PALLD: variants seen among roughly 807,000 people sequenced by gnomAD.
PALLD encodes palladin, cytoskeletal associated protein.
PALLD carries 61 observed loss-of-function variants against 123.5 expected under a neutral mutation model. The ratio of observed to expected loss-of-function variants is 0.49; its 90% CI spans 0.40 to 0.61. The LOEUF (loss-of-function observed/expected upper bound fraction) is 0.61, where lower values mean the gene tolerates loss of function less well. Among genes scored for constraint, PALLD ranks in the 20% least tolerant of loss-of-function variants. The probability of loss-of-function intolerance (pLI) is 0.00; values close to 1 mark genes in which losing one functional copy is unlikely to be tolerated. For synonymous variants in PALLD, 465 were observed against 496.4 expected, an observed-to-expected ratio of 0.94 and a Z score of 0.84; for missense variants, 1,273 against 1,377.0, an observed-to-expected ratio of 0.92 and a Z score of 1.20.
intron 10 of PALLD, among the ~76,000 whole-genome samples, chr4:168,721,759 A>G (rs968131781): frequency 6.6e-6 from 1 of 152,140 alleles, no homozygotes; most frequent in Admixed American, 6.5e-5. Context: ...AAGTAAGCTT[A>G]ATTTTGAGCA....
chr4:168,596,722 A>T (rs1186994675), intron 2 of PALLD, among the ~76,000 whole-genome samples: 1 of 61,674 alleles, frequency 1.6e-5, no homozygotes, highest in Non-Finnish European at 3.1e-5. Flanking sequence ...TGGCCTTGTT[A>T]AAAAAAAAAA....
At chr4:168,924,476 A>C in intron 19 of PALLD, 56 bp downstream of exon 19, 2 of 1,429,906 alleles carry the variant, frequency 1.4e-6, no homozygotes, top group East Asian at 4.6e-5. Flanking sequence ...ATGATGTATC[A>C]AAAGATACAT....
At chr4:168,836,654 G>A (rs773853377) in intron 10 of PALLD, among the ~76,000 whole-genome samples, 23 of 152,206 alleles carry the variant, frequency 1.5e-4, no homozygotes, top group Admixed American at 2.0e-4. Flanking sequence ...CTGCTGGAGC[G>A]CCACGCAGGA....
chr4:168,898,720 C>G lies in PALLD; in HGVS notation c.2472+6C>G. 1 of 1,592,076 alleles carries G rather than the reference C, an allele frequency of 6.3e-7. No individual in the cohort carries two copies. The highest frequency in any genetic ancestry group is 8.6e-7 in the Non-Finnish European group (1 of 1,159,854). The stretch of plus-strand genomic sequence containing the variant: ...CTGGAAATCCAAAGCCAAAGGTGAG[C>G]TGGGAGATGGAGGCTTTTTAAGAGT... On this transcript the variant is annotated splice_donor_region_variant and intron_variant, in intron 14 of 21. Transcript: ENST00000505667.
intron 2 of PALLD, among the ~76,000 whole-genome samples, chr4:168,630,303 G>A (rs1485375241): frequency 6.6e-6 from 1 of 151,884 alleles, no homozygotes; most frequent in Non-Finnish European, 1.5e-5. Flanking sequence ...AAGTGTAGAG[G>A]AAAAAAATAA....
chr4:168,668,395 G>T (rs371335483), intron 3 of PALLD, 27 bp downstream of exon 3: 189 of 1,565,454 alleles, frequency 1.2e-4, no homozygotes, highest in South Asian at 3.7e-4. Flanking sequence ...GGTAATGGGG[G>T]ATAAAGGGGT....
At chr4:168,878,222 C>T in intron 10 of PALLD, 1 of 1,520,016 alleles carries the variant, frequency 6.6e-7, no homozygotes, top group South Asian at 1.2e-5. Flanking sequence ...GTTCCCACTG[C>T]CGCCGCCACC....
intron 5 of PALLD, 72 bp from the exon 6 acceptor site, chr4:168,685,413 A>C (rs985615720): frequency 3.2e-6 from 3 of 935,142 alleles, no homozygotes; most frequent in African/African-American, 3.2e-5. Flanking sequence ...CCCATAATGA[A>C]AGGTTTCTTC....
chr4:168,658,064 G>C (rs573617635), intron 2 of PALLD, among the ~76,000 whole-genome samples: 3 of 152,198 alleles, frequency 2.0e-5, no homozygotes, highest in African/African-American at 2.4e-5. Context: ...TCTTTTTGGT[G>C]CAAAACAACG....
chr4:168,913,928 G>A lies in PALLD; in HGVS notation c.2624G>A (p.Gly875Asp). Reference protein sequence around the residue: ...NYTIMAANPQGRISCTGRLMV... With the variant: ...NYTIMAANPQDRISCTGRLMV... ...ATTTATTTCCTGATATTTCTACAGG[G>A]CCGCATCAGTTGTACTGGACGGCTA... The change falls in exon 16 of 22, where the codon GGC (glycine) becomes GAC (aspartate). Residue 875 changes from glycine to aspartate, a missense_variant and splice_region_variant. Transcript: ENST00000505667. The A allele has an allele frequency of 1.2e-6, 2 of 1,601,914 alleles. No individual in the cohort carries two copies. Among genetic ancestry groups the A allele is most frequent in the Non-Finnish European group, 1.7e-6 (2 of 1,168,858 alleles).
At chr4:168,798,246 T>G (rs2150662465) in intron 10 of PALLD, among the ~76,000 whole-genome samples, 1 of 152,246 alleles carries the variant, frequency 6.6e-6, no homozygotes, top group South Asian at 2.1e-4. Context: ...ATATCAAAGG[T>G]AAGGATACTG....
At chr4:168,920,052 T>A (rs1761123562) in intron 17 of PALLD, among the ~76,000 whole-genome samples, 1 of 152,134 alleles carries the variant, frequency 6.6e-6, no homozygotes, top group African/African-American at 2.4e-5. Flanking sequence ...GGATCTAACC[T>A]GGTAAAGTAG....
At chr4:168,650,857 A>G (rs1301213124) in intron 2 of PALLD, among the ~76,000 whole-genome samples, 1 of 152,144 alleles carries the variant, frequency 6.6e-6, no homozygotes, top group Non-Finnish European at 1.5e-5. Context: ...ATTACCAAGT[A>G]TAATAGTACT....
At chr4:168,726,292 A>G (rs1047075197) in intron 10 of PALLD, among the ~76,000 whole-genome samples, 1 of 152,224 alleles carries the variant, frequency 6.6e-6, no homozygotes, top group Non-Finnish European at 1.5e-5. Flanking sequence ...TGTAACTTGA[A>G]AAGTTGATTT....
chr4:168,899,526 T>C (rs1755991197), intron 14 of PALLD, among the ~76,000 whole-genome samples: 1 of 152,198 alleles, frequency 6.6e-6, no homozygotes, highest in Admixed American at 6.5e-5. Context: ...TTGCCTTATA[T>C]AAAGGTAATA....
At chr4:168,512,621 A>AGAT (rs1762628627) in intron 2 of PALLD, among the ~76,000 whole-genome samples, 1 of 152,148 alleles carries the variant, frequency 6.6e-6, no homozygotes, top group Non-Finnish European at 1.5e-5. Flanking sequence ...CTCTGTGCTA[A>AGAT]GGAAGGAAGG....
At chr4:168,634,382 T>C (rs561770972) in intron 2 of PALLD, among the ~76,000 whole-genome samples, 3 of 152,372 alleles carry the variant, frequency 2.0e-5, no homozygotes, top group Admixed American at 2.0e-4. Flanking sequence ...GTAAATGTAA[T>C]TAAACGTGCC....
chr4:168,596,643 CA>C, intron 2 of PALLD, among the ~76,000 whole-genome samples: 2 of 148,116 alleles, frequency 1.4e-5, no homozygotes, highest in Admixed American at 1.4e-4. Context: ...CACTTCTTGA[CA>C]AGGAAAATGC....
chr4:168,722,256 G>A (rs1007027534), intron 10 of PALLD, among the ~76,000 whole-genome samples: 6 of 152,080 alleles, frequency 3.9e-5, no homozygotes, highest in African/African-American at 1.4e-4. Flanking sequence ...TTGTTGCCCA[G>A]CCAGGTCTCA....
Sources: gnomAD v4.1 joint callset for allele counts (sites outside exome capture counted in the v4.1 genomes callset) on GRCh38, gnomAD v4.1.1 for gene constraint, MANE v1.5 for transcripts, NCBI Gene and HGNC (gene_info 2026-07-23, HGNC 2026-07-21) for gene names.